The following MAPK6 variants were observed in gnomAD, a reference collection of about 807,000 sequenced individuals.
The protein encoded by MAPK6 is ERK-3.
In MAPK6, 19 loss-of-function variants were observed where a neutral mutation model predicts 59.3. That is an observed-to-expected ratio of 0.32 (90% confidence interval 0.22 to 0.47). MAPK6 has a LOEUF of 0.47. Among genes scored for constraint, MAPK6 ranks in the 20% least tolerant of loss-of-function variants. MAPK6 has a pLI of 1.00. For synonymous variants in MAPK6, 316 were observed against 290.3 expected, an observed-to-expected ratio of 1.09 and a Z score of -0.90; for missense variants, 724 against 847.9, an observed-to-expected ratio of 0.85 and a Z score of 1.81.
At chr15:52,020,283 T>C (rs2030474593) in intron 1 of MAPK6, among the ~76,000 whole-genome samples, 1 of 152,198 alleles carries the variant, frequency 6.6e-6, no homozygotes, top group Non-Finnish European at 1.5e-5. Flanking sequence ...GGTTTAGGTG[T>C]TAGGGGGATC....
At chr15:51,983,402 C>T (rs766231765) in intron 2 of MAPK6, among the ~76,000 whole-genome samples, 1 of 152,044 alleles carries the variant, frequency 6.6e-6, no homozygotes, top group Admixed American at 6.6e-5. Context: ...TCACTTGGAC[C>T]CAGGAGGCGG....
intron 3 of MAPK6, among the ~76,000 whole-genome samples, chr15:52,055,473 A>G (rs1190872561): frequency 6.6e-6 from 1 of 152,218 alleles, no homozygotes; most frequent in African/African-American, 2.4e-5. Context: ...CATAGAAGTG[A>G]GTCAGTACCT....
At chr15:52,023,231 T>C (rs568384005) in intron 1 of MAPK6, among the ~76,000 whole-genome samples, 1 of 152,322 alleles carries the variant, frequency 6.6e-6, no homozygotes, top group African/African-American at 2.4e-5. Flanking sequence ...TCCAGTTCTT[T>C]GTTACATTTG....
At chr15:52,022,939 C>G (rs1409983421) in intron 1 of MAPK6, among the ~76,000 whole-genome samples, 2 of 151,746 alleles carry the variant, frequency 1.3e-5, no homozygotes, top group African/African-American at 2.4e-5. Context: ...GAAACCCCGT[C>G]TCTAATAAAA....
chr15:52,016,052 TCGCGCGCGCGCGCG>T (rs376275284), upstream of MAPK6, among the ~76,000 whole-genome samples: 1 of 68,720 alleles, frequency 1.5e-5, no homozygotes, highest in East Asian at 4.5e-4. Flanking sequence ...CCAAACTCCA[TCGCGCGCGCGCGCG>T]CGCGCACACA....
rs561879026 is a variant in MAPK6 at position 52,038,388 on chromosome 15, A to G, written c.-631-7442A>G. ...GGGTATACGTATGACCATGTGACCT[A>G]CTTTAGTCAGTAAAATGTGAGAAGT... On this transcript the variant is annotated intron_variant, in intron 1 of 5. Coordinates refer to ENST00000261845, the MANE Select transcript of MAPK6 (RefSeq NM_002748.4). 2.6e-5 allele frequency among the ~76,000 whole-genome samples: 4 copies of G among 152,316 alleles called. No homozygotes were observed. In the East Asian group the frequency reaches 7.7e-4, roughly 29 times the overall value.
intron 2 of MAPK6, among the ~76,000 whole-genome samples, chr15:52,047,292 T>C (rs2031623136): frequency 6.6e-6 from 1 of 152,200 alleles, no homozygotes; most frequent in South Asian, 2.1e-4. Flanking sequence ...AAAAGTGGAA[T>C]ATACTCTTCT....
Position 51,984,936 on chromosome 15 carries a change from G to A in MAPK6, c.-770+1621G>A, listed in dbSNP as rs549923651. Among the ~76,000 whole-genome samples the A allele has an allele frequency of 2.0e-5, 3 of 152,126 alleles. 1 individual carries two copies. Among genetic ancestry groups the A allele is most frequent in the South Asian group, 4.1e-4 (2 of 4,824 alleles). ...GTGAGTTTGTTTTGTTTTTTGTTTC[G>A]CACTTTTGCAATGAAATTGTATCAC... is the stretch of plus-strand genomic sequence containing the variant. On this transcript the variant is annotated intron_variant, in intron 2 of 7. Transcript: ENST00000691380.
At chr15:52,014,312 A>T (rs2030172123), upstream of MAPK6, among the ~76,000 whole-genome samples, 1 of 152,212 alleles carries the variant, frequency 6.6e-6, no homozygotes, top group Admixed American at 6.5e-5. Context: ...CACAACAATA[A>T]TTAGCAATAA....
chr15:52,052,252 C>T (rs1037616850), intron 3 of MAPK6, among the ~76,000 whole-genome samples: 4 of 152,174 alleles, frequency 2.6e-5, no homozygotes, highest in Non-Finnish European at 2.9e-5. Flanking sequence ...AGCTTACTTA[C>T]ATGACAGTTA....
At chr15:51,996,510 C>A (rs1301678153) in intron 2 of MAPK6, among the ~76,000 whole-genome samples, 3 of 152,122 alleles carry the variant, frequency 2.0e-5, no homozygotes, top group African/African-American at 7.2e-5. Flanking sequence ...ATTCTCCTGC[C>A]TCAGCCTCCC....
chr15:52,014,869 T>C (rs2030188936), upstream of MAPK6, among the ~76,000 whole-genome samples: 1 of 152,226 alleles, frequency 6.6e-6, no homozygotes, highest in East Asian at 1.9e-4. Context: ...GTTTGCCCTT[T>C]CTTCTGGGCA....
chr15:52,059,122 G>GCTGCTGTATTTAATTTCAGCCGGTTT, intron 4 of MAPK6, among the ~76,000 whole-genome samples: 1 of 151,336 alleles, frequency 6.6e-6, no homozygotes, highest in African/African-American at 2.5e-5. Flanking sequence ...TAAAAAGAAA[G>GCTGCTGTATTTAATTTCAGCCGGTTT]CTGCTGTATT....
At chr15:52,049,957 A>G (rs1340096919) in intron 2 of MAPK6, 36 bp from the exon 3 acceptor site, 2 of 1,572,640 alleles carry the variant, frequency 1.3e-6, no homozygotes, top group South Asian at 2.2e-5. Context: ...TTCTTCAGCT[A>G]AAGTAAAAAA....
intron 5 of MAPK6, among the ~76,000 whole-genome samples, chr15:52,062,787 C>G (rs1482345517): frequency 6.6e-6 from 1 of 151,856 alleles, no homozygotes; most frequent in Admixed American, 6.6e-5. Flanking sequence ...AAATACATTT[C>G]TGGGGAAGTT....
chr15:52,049,204 G>A (rs1345021395), intron 2 of MAPK6, among the ~76,000 whole-genome samples: 1 of 152,152 alleles, frequency 6.6e-6, no homozygotes, highest in Non-Finnish European at 1.5e-5. Flanking sequence ...CATTAAGGAG[G>A]TAGACATTGG....
intron 2 of MAPK6, among the ~76,000 whole-genome samples, chr15:52,001,962 A>T (rs2057243398): frequency 6.6e-6 from 1 of 152,138 alleles, no homozygotes. Flanking sequence ...CCCTGACCTA[A>T]TTTGGTTGGT....
chr15:52,014,154 A>G (rs746533913), intron 3 of MAPK6, among the ~76,000 whole-genome samples: 13 of 151,828 alleles, frequency 8.6e-5, no homozygotes, highest in Non-Finnish European at 1.6e-4. Context: ...GTTCTTATCA[A>G]TTGTTCCTTC....
chr15:51,999,098 C>T (rs1007963391), intron 2 of MAPK6, among the ~76,000 whole-genome samples: 1 of 151,220 alleles, frequency 6.6e-6, no homozygotes, highest in Non-Finnish European at 1.5e-5. Context: ...CGAGTTCAAG[C>T]GATTCTCCTG....
Sources: gnomAD v4.1 joint callset for allele counts (sites outside exome capture counted in the v4.1 genomes callset) on GRCh38, gnomAD v4.1.1 for gene constraint, MANE v1.5 for transcripts, NCBI Gene and HGNC (gene_info 2026-07-23, HGNC 2026-07-21) for gene names.